The following ZNF44 variants were observed in gnomAD, a reference collection of about 807,000 sequenced individuals.
The protein encoded by ZNF44 is zinc finger protein 44, also known as gonadotropin inducible transcription repressor-2.
A neutral mutation model predicts 11.7 loss-of-function variants in ZNF44; 9 were observed. The ratio of observed to expected loss-of-function variants is 0.77; its 90% CI spans 0.46 to 1.35. The LOEUF is 1.35. ZNF44 is among the 40% of genes most tolerant of loss of function. The probability of loss-of-function intolerance (pLI) is 0.00; values close to 1 mark genes in which losing one functional copy is unlikely to be tolerated. For missense variants in ZNF44, 696 were observed against 743.1 expected (o/e 0.94, Z 0.74); for synonymous variants, 224 against 242.7 (o/e 0.92, Z 0.72).
exon 8 of ZNF44, chr19:12,248,395 G>A (rs1454003514): frequency 7.7e-7 from 1 of 1,291,012 alleles, no homozygotes; most frequent in South Asian, 1.2e-5. Flanking sequence ...GTTCTTTTAT[G>A]TTTTTTAAAA....
chr19:12,253,187 CTT>C (rs763591024), intron 5 of ZNF44, among the ~76,000 whole-genome samples: 22 of 110,234 alleles, frequency 2.0e-4, no homozygotes, highest in African/African-American at 5.3e-4. Context: ...CTGCACCTGG[CTT>C]TTTTTTTTTT....
exon 8 of ZNF44, chr19:12,247,715 C>T: frequency 7.4e-7 from 1 of 1,348,952 alleles, no homozygotes; most frequent in Non-Finnish European, 9.9e-7. Context: ...CAGTATGAGT[C>T]CTTTCATGTC....
At position 12,276,058 on chromosome 19, in the gene ZNF44, C is replaced by T. The variant is rs1319800154; in HGVS notation, c.28G>A (p.Ala10Thr). The stretch of plus-strand genomic sequence containing the variant: ...CACTCCTCATGGGTGAAGTTCACAG[C>T]CACATCCTCAAAGGCCACTGAGTCC... MDSVAFEDVAVNFTHEEWAL... is the reference protein window; with the variant it reads MDSVAFEDVTVNFTHEEWAL... Residue 10 changes from alanine to threonine, a missense_variant, in exon 2 of 4, where the codon GCT becomes ACT. Physicochemically the swap from Ala to Thr is moderately conservative, Grantham distance 58. Transcript: ENST00000355684. 1.9e-6 allele frequency: 3 copies of T among 1,607,510 alleles called. No individual in the cohort carries two copies. The African/African-American group carries it at 4.0e-5, about 22-fold the overall frequency.
At position 12,233,970 on chromosome 19, in the gene ZNF44, G is replaced by A. The variant is rs532131240; in HGVS notation, n.380+697C>T. Among the ~76,000 whole-genome samples the A allele has an allele frequency of 2.3e-4, 35 of 152,062 alleles. 1 individual carries two copies. In the South Asian group the frequency reaches 7.1e-3, roughly 31 times the overall value. On this transcript the variant is annotated intron_variant and non_coding_transcript_variant, in intron 2 of 3. Coordinates refer to the ZNF44 transcript ENST00000597563. ...CCAGCTACGCAGGAGGTTGAGGCAGGAGAATCGCTTGAACCCAAGAGGCGG... is the reference window on the plus strand; with the variant it reads ...CCAGCTACGCAGGAGGTTGAGGCAGAAGAATCGCTTGAACCCAAGAGGCGG...
At chr19:12,229,659 G>A (rs1353722845) in intron 3 of ZNF44, among the ~76,000 whole-genome samples, 1 of 151,748 alleles carries the variant, frequency 6.6e-6, no homozygotes, top group African/African-American at 2.4e-5. Context: ...TGTCACCCAG[G>A]CTGGAGTGTA....
Position 12,272,407 on chromosome 19 carries a change from T to A in ZNF44, c.1848A>T (p.Ter616TyrextTer44), listed in dbSNP as rs776178668. The change falls in exon 4 of 4, where the codon TAA (stop) becomes TAT (tyrosine). Residue 616 changes from the stop codon to tyrosine (Y), a stop_lost. Coordinates refer to ENST00000355684, the MANE Select transcript of ZNF44 (RefSeq NM_016264.4). ...HKRTHWKDIL[*>Y] ...GAATGCTTTCCCACATTCCATACAC[T>A]TATAGAATATCCTTCCAGTGTGTCC... is the stretch of plus-strand genomic sequence containing the variant. 53 of 1,537,644 alleles carry A rather than the reference T, an allele frequency of 3.4e-5. No homozygotes were observed. The highest frequency in any genetic ancestry group is 4.3e-5 in the Non-Finnish European group (49 of 1,147,524).
At chr19:12,288,165 C>T (rs187048053) in intron 1 of ZNF44, among the ~76,000 whole-genome samples, 23 of 152,284 alleles carry the variant, frequency 1.5e-4, no homozygotes, top group Middle Eastern at 3.4e-3. Flanking sequence ...CAAATGCAAG[C>T]CCTAGGGACC....
At chr19:12,260,699 C>T (rs1917474131) in intron 5 of ZNF44, among the ~76,000 whole-genome samples, 1 of 152,200 alleles carries the variant, frequency 6.6e-6, no homozygotes. Flanking sequence ...GCCCTACTCC[C>T]ATACTCCAGC....
At chr19:12,270,156 C>T (rs927019598), downstream of ZNF44, among the ~76,000 whole-genome samples, 1 of 152,158 alleles carries the variant, frequency 6.6e-6, no homozygotes, top group Non-Finnish European at 1.5e-5. Flanking sequence ...TAGTTGACTA[C>T]TGTAATGATA....
intron 5 of ZNF44, among the ~76,000 whole-genome samples, chr19:12,253,336 C>T (rs967400986): frequency 3.3e-5 from 5 of 151,670 alleles, no homozygotes; most frequent in Admixed American, 1.3e-4. Context: ...ATTACAGGCA[C>T]ATGCCACCAC....
downstream of ZNF44, among the ~76,000 whole-genome samples, chr19:12,245,827 G>T (rs1465979922): frequency 1.3e-5 from 2 of 151,820 alleles, no homozygotes; most frequent in African/African-American, 4.8e-5. Flanking sequence ...ATAGCCTAAT[G>T]ACATGAAAGC....
rs1216143556 is a variant in ZNF44, at chr19:12,273,166, T to C, written c.1089A>G (p.Lys363=). Reference sequence around the variant, plus strand: ...TCCCACATTGCTTACATTCATAGGGTTTCTCTAGAGTGTGAGTTCCTTCAT... The same window carrying C: ...TCCCACATTGCTTACATTCATAGGGCTTCTCTAGAGTGTGAGTTCCTTCAT... ...RIHEGTHTLE[K]PYECKQCGKL... Residue 363 remains lysine (K), a synonymous_variant, in exon 4 of 4, where the codon AAA becomes AAG. Transcript: ENST00000355684. 1 of 1,613,838 alleles carries C rather than the reference T, an allele frequency of 6.2e-7. No individual in the cohort carries two copies. The highest frequency in any genetic ancestry group is 2.2e-5 in the East Asian group (1 of 44,870).
intron 1 of ZNF44, among the ~76,000 whole-genome samples, chr19:12,277,579 CTG>C (rs1967283655): frequency 2.6e-5 from 4 of 152,128 alleles, no homozygotes. Flanking sequence ...AGATTTAAAA[CTG>C]TAATTTTTCA....
chr19:12,258,787 G>A (rs1413465573), intron 5 of ZNF44, among the ~76,000 whole-genome samples: 2 of 151,996 alleles, frequency 1.3e-5, no homozygotes, highest in Admixed American at 6.6e-5. Context: ...CTGAGATCCC[G>A]CCATGCACTC....
intron 5 of ZNF44, among the ~76,000 whole-genome samples, chr19:12,264,211 C>T (rs1385155997): frequency 1.3e-5 from 2 of 152,216 alleles, no homozygotes; most frequent in East Asian, 3.8e-4. Context: ...CCCCAGTTTT[C>T]CAATGCTCAG....
intron 5 of ZNF44, among the ~76,000 whole-genome samples, chr19:12,253,894 G>A (rs982729834): frequency 3.9e-5 from 6 of 152,006 alleles, no homozygotes; most frequent in Admixed American, 6.6e-5. Context: ...CAGGAGAATC[G>A]CTTGAACCCG....
At chr19:12,269,133 CACTG>C (rs1396386554), downstream of ZNF44, among the ~76,000 whole-genome samples, 3 of 144,228 alleles carry the variant, frequency 2.1e-5, no homozygotes, top group Non-Finnish European at 1.5e-5. Context: ...ACCCTGGATA[CACTG>C]ACTGTCTGCC....
At chr19:12,254,395 G>A (rs1226067765) in intron 5 of ZNF44, among the ~76,000 whole-genome samples, 2 of 151,990 alleles carry the variant, frequency 1.3e-5, no homozygotes, top group African/African-American at 4.8e-5. Context: ...TTTTCCTTTT[G>A]TGTTAAAAAG....
chr19:12,284,350 C>A (rs1367301619), intron 1 of ZNF44: 2 of 542,466 alleles, frequency 3.7e-6, no homozygotes, highest in Non-Finnish European at 3.4e-6. Flanking sequence ...GCTGATGACG[C>A]AGGTGCAGCG....
Sources: allele counts gnomAD v4.1 joint callset (sites outside exome capture counted in the v4.1 genomes callset), GRCh38; gene constraint gnomAD v4.1.1; transcripts MANE v1.5; gene names NCBI Gene and HGNC (gene_info 2026-07-23, HGNC 2026-07-21).